The following EFHB variants were observed in gnomAD, a reference collection of about 807,000 sequenced individuals.
The protein encoded by EFHB is EF-hand domain-containing family member B.
In EFHB, 91 loss-of-function variants were observed where a neutral mutation model predicts 87.2. The ratio of observed to expected loss-of-function variants is 1.04; its 90% CI spans 0.88 to 1.24. The LOEUF (loss-of-function observed/expected upper bound fraction) is 1.24. EFHB is among the 50% of genes most tolerant of loss of function. EFHB has a pLI of 0.00. For synonymous variants in EFHB, 325 were observed against 333.6 expected (o/e 0.97, Z 0.28); for missense variants, 1,084 against 998.8 (o/e 1.09, Z -1.15).
chr3:19,938,597 T>TA (rs1696076319), upstream of EFHB, among the ~76,000 whole-genome samples: 1 of 152,156 alleles, frequency 6.6e-6, no homozygotes, highest in Non-Finnish European at 1.5e-5. Context: ...AGGAAAAAAA[T>TA]AAGAGATGTG....
At chr3:19,915,257 G>A (rs111839249) in intron 5 of EFHB, 46 bp downstream of exon 5, 29 of 1,274,630 alleles carry the variant, frequency 2.3e-5, no homozygotes, top group African/African-American at 3.0e-5. Context: ...TCACAAATCC[G>A]AGAGTCCCAT....
At chr3:19,942,763 G>A (rs774826427) in intron 1 of EFHB, among the ~76,000 whole-genome samples, 3 of 152,128 alleles carry the variant, frequency 2.0e-5, no homozygotes, top group Non-Finnish European at 4.4e-5. Flanking sequence ...ATTCACAATA[G>A]AGTTCACACT....
chr3:19,886,592 C>T (rs960562557), intron 10 of EFHB, among the ~76,000 whole-genome samples: 2 of 139,652 alleles, frequency 1.4e-5, no homozygotes, highest in Non-Finnish European at 3.0e-5. Context: ...AGGTGAATCA[C>T]TTGAGCCCAG....
intron 12 of EFHB, 70 bp from the exon 13 acceptor site, chr3:19,879,874 A>G: frequency 7.0e-7 from 1 of 1,427,640 alleles, no homozygotes; most frequent in Non-Finnish European, 9.4e-7. Flanking sequence ...ATATCTTTAT[A>G]ACATCTAAGA....
upstream of EFHB, among the ~76,000 whole-genome samples, chr3:19,937,135 C>T (rs1211116982): frequency 6.6e-6 from 1 of 151,864 alleles, no homozygotes; most frequent in Non-Finnish European, 1.5e-5. Flanking sequence ...CACCACTGCA[C>T]TCCAGCCTGG....
chr3:19,916,935 C>A (rs1695253101), intron 4 of EFHB, among the ~76,000 whole-genome samples: 1 of 152,086 alleles, frequency 6.6e-6, no homozygotes, highest in African/African-American at 2.4e-5. Context: ...CTTAATAATA[C>A]AGATATATAC....
chr3:19,905,821 G>T, intron 5 of EFHB, 72 bp from the exon 6 acceptor site: 2 of 1,497,288 alleles, frequency 1.3e-6, no homozygotes, highest in Non-Finnish European at 1.8e-6. Context: ...TGCACACTAT[G>T]TTCTCATTGA....
At chr3:19,888,710 C>T (rs1189691264) in intron 9 of EFHB, 59 bp from the exon 10 acceptor site, 1 of 1,350,662 alleles carries the variant, frequency 7.4e-7, no homozygotes, top group Non-Finnish European at 1.0e-6. Flanking sequence ...GCAGAGTAGG[C>T]AACATTATTT....
chr3:19,889,409 T>C (rs1298442981), intron 9 of EFHB, among the ~76,000 whole-genome samples: 1 of 152,204 alleles, frequency 6.6e-6, no homozygotes, highest in Non-Finnish European at 1.5e-5. Flanking sequence ...TGTTTGTTTC[T>C]GCAGTGAATT....
chr3:19,933,939 G>A lies in EFHB; in HGVS notation c.80C>T (p.Pro27Leu), dbSNP rs1695930146. 2 of 1,613,740 alleles carry A rather than the reference G, an allele frequency of 1.2e-6. No individual in the cohort carries two copies. Among genetic ancestry groups the A allele is most frequent in the African/African-American group, 1.3e-5 (1 of 74,968 alleles). Residue 27 changes from proline to leucine, a missense_variant, in exon 1 of 13, where the codon CCC (proline) becomes CTC (leucine). Pro to Leu is a moderately conservative substitution (Grantham distance 98). Transcript: ENST00000295824. The stretch of plus-strand genomic sequence containing the variant: ...TCCTACTCTGATCCCCAACTCCATG[G>A]GAAATTTTGTTCCCATGATGACCCT... ...DKRVIMGTKF[P>L]MELGIRVGLG...
chr3:19,934,147 G>C lies in EFHB; in HGVS notation c.-129C>G, dbSNP rs559760284. 6 of 1,451,452 alleles carry C rather than the reference G, an allele frequency of 4.1e-6. No homozygotes were observed. In the East Asian group the frequency reaches 1.5e-4, roughly 36 times the overall value. The allele number at this position is 1,451,452 out of a possible 1,614,324, so 89.9% of individuals were successfully genotyped here. ...TCAGGAAAGAGCACAACCTCACTCGGACTCCCTGTCCATTGCTTCCTGCCT... is the reference window on the plus strand; with the variant it reads ...TCAGGAAAGAGCACAACCTCACTCGCACTCCCTGTCCATTGCTTCCTGCCT... On this transcript the variant is annotated 5_prime_UTR_variant, in exon 1 of 13. Coordinates refer to ENST00000295824, the MANE Select transcript of EFHB (RefSeq NM_144715.4).
chr3:19,881,233 A>G (rs1038112060), intron 12 of EFHB, among the ~76,000 whole-genome samples: 1 of 152,162 alleles, frequency 6.6e-6, no homozygotes, highest in African/African-American at 2.4e-5. Flanking sequence ...GAATGGTTTG[A>G]GTCAGTCTTG....
intron 9 of EFHB, among the ~76,000 whole-genome samples, chr3:19,895,734 C>G (rs960154627): frequency 6.6e-6 from 1 of 152,110 alleles, no homozygotes; most frequent in Non-Finnish European, 1.5e-5. Context: ...AACCAGTCAT[C>G]AGATACTTAG....
At chr3:19,920,911 A>G (rs1234051346) in intron 1 of EFHB, among the ~76,000 whole-genome samples, 3 of 152,158 alleles carry the variant, frequency 2.0e-5, no homozygotes, top group Admixed American at 6.5e-5. Context: ...ATTGTTCTAT[A>G]TAACAGTGAA....
intron 1 of EFHB, chr3:19,946,048 A>C (rs1559482502): frequency 6.6e-6 from 1 of 152,162 alleles, no homozygotes; most frequent in Non-Finnish European, 1.5e-5. Context: ...CCAGAGACTG[A>C]ATGTGGTGTG....
At chr3:19,905,088 C>T (rs1489893295) in intron 6 of EFHB, among the ~76,000 whole-genome samples, 5 of 152,140 alleles carry the variant, frequency 3.3e-5, no homozygotes, top group African/African-American at 1.2e-4. Context: ...TTCAACAAAG[C>T]TGAATAACAA....
intron 1 of EFHB, among the ~76,000 whole-genome samples, chr3:19,925,027 C>T (rs1285661738): frequency 6.6e-6 from 1 of 151,926 alleles, no homozygotes; most frequent in Admixed American, 6.6e-5. Flanking sequence ...GGGCGGATCA[C>T]GAGGTCAGGA....
intron 2 of EFHB, 148 bp from the exon 3 acceptor site, chr3:19,920,124 T>G (rs1434646494): frequency 1.2e-6 from 1 of 818,622 alleles, no homozygotes; most frequent in East Asian, 2.7e-5. Flanking sequence ...AACATCCCCC[T>G]AAAATGTATT....
chr3:19,899,511 T>C lies in EFHB; in HGVS notation c.1423A>G (p.Arg475Gly). The C allele has an allele frequency of 3.1e-6, 5 of 1,596,426 alleles. No homozygotes were observed. The highest frequency in any genetic ancestry group is 2.6e-6 in the Non-Finnish European group (3 of 1,173,626). The change falls in exon 7 of 13, where the codon AGA (arginine) becomes GGA (glycine). Residue 475 changes from arginine to glycine, a missense_variant. Transcript: ENST00000295824. ...CTTTTGGATACAAACTTAGCTCCTCTTTTCCTGCAAAATTAGAACATTATC... is the reference window on the plus strand; with the variant it reads ...CTTTTGGATACAAACTTAGCTCCTCCTTTCCTGCAAAATTAGAACATTATC... Reference protein sequence around the residue: ...LYWLHELQMKRGAKFVSKRAD... With the variant: ...LYWLHELQMKGGAKFVSKRAD...
Sources: allele counts gnomAD v4.1 joint callset (sites outside exome capture counted in the v4.1 genomes callset), GRCh38; gene constraint gnomAD v4.1.1; transcripts MANE v1.5; gene names NCBI Gene and HGNC (gene_info 2026-07-23, HGNC 2026-07-21).